HIVEP3: variants seen among roughly 807,000 people sequenced by gnomAD.
HIVEP3 encodes the protein HIVEP zinc finger 3.
HIVEP3 carries 49 observed loss-of-function variants against 152.8 expected under a neutral mutation model. The ratio of observed to expected loss-of-function variants is 0.32; its 90% CI spans 0.26 to 0.41. The LOEUF is 0.41. Among genes scored for constraint, HIVEP3 ranks in the 10% least tolerant of loss-of-function variants. The probability of loss-of-function intolerance (pLI) is 1.00; values close to 1 mark genes in which losing one functional copy is unlikely to be tolerated. For missense variants in HIVEP3, 2,790 were observed against 3,103.3 expected (o/e 0.90, Z 2.40); for synonymous variants, 1,269 against 1,289.0 (o/e 0.98, Z 0.33).
intron 1 of HIVEP3, among the ~76,000 whole-genome samples, chr1:41,797,742 A>G (rs1054644923): frequency 1.3e-5 from 2 of 152,190 alleles, no homozygotes; most frequent in African/African-American, 4.8e-5. Flanking sequence ...TAATTCCAGC[A>G]CTTTGGGAGG....
intron 1 of HIVEP3, among the ~76,000 whole-genome samples, chr1:41,905,527 G>A (rs1644696230): frequency 1.3e-5 from 2 of 152,204 alleles, no homozygotes; most frequent in African/African-American, 2.4e-5. Flanking sequence ...CAGCATGTCT[G>A]TCTATGTATC....
intron 1 of HIVEP3, among the ~76,000 whole-genome samples, chr1:42,003,441 TG>T (rs1333134038): frequency 6.7e-6 from 1 of 148,500 alleles, no homozygotes; most frequent in African/African-American, 2.6e-5. Flanking sequence ...AATGAGCCCC[TG>T]TTGTTTCTGA....
intron 5 of HIVEP3, among the ~76,000 whole-genome samples, chr1:41,526,293 T>TCA (rs1157445312): frequency 1.0e-5 from 1 of 98,612 alleles, no homozygotes; most frequent in African/African-American, 4.0e-5. Flanking sequence ...ACGCTCACCC[T>TCA]CACACACACT....
rs78879050 is a variant in HIVEP3 at position 41,717,267 on chromosome 1, C to G, written c.-800-16272G>C. On this transcript the variant is annotated intron_variant, in intron 1 of 8. Coordinates refer to ENST00000372583, the MANE Select transcript of HIVEP3 (RefSeq NM_024503.5). ...ACGCTCTTTCCCTTATTCCCTCCAACCAATATTTGTTGAATACCTACTTTG... is the reference window on the plus strand; with the variant it reads ...ACGCTCTTTCCCTTATTCCCTCCAAGCAATATTTGTTGAATACCTACTTTG... Among the ~76,000 whole-genome samples the G allele has an allele frequency of 9.3e-3, 1,424 of 152,344 alleles. 20 individuals are homozygous for G. The highest frequency in any genetic ancestry group is 0.032 in the African/African-American group (1,342 of 41,572).
At position 41,751,723 on chromosome 1, in the gene HIVEP3, C is replaced by A. The variant is rs145559230; in HGVS notation, c.-800-50728G>T. ...GTGGTGGGCAAGGGACCATGAAAAG[C>A]CCAACAGAAGTCATGGCGAGGCAGG... is the stretch of plus-strand genomic sequence containing the variant. On this transcript the variant is annotated intron_variant, in intron 1 of 8. Coordinates refer to ENST00000372583, the MANE Select transcript of HIVEP3 (RefSeq NM_024503.5). 5.4e-3 allele frequency among the ~76,000 whole-genome samples: 826 copies of A among 152,290 alleles called. 4 individuals are homozygous for A. Among genetic ancestry groups the A allele is most frequent in the African/African-American group, 0.017 (710 of 41,548 alleles).
At chr1:41,523,192 AG>A (rs1642808994) in intron 6 of HIVEP3, among the ~76,000 whole-genome samples, 1 of 152,196 alleles carries the variant, frequency 6.6e-6, no homozygotes, top group African/African-American at 2.4e-5. Flanking sequence ...AGAAGGCCAG[AG>A]GAAGTGCGGT....
chr1:41,597,703 C>A (rs1358125768), intron 3 of HIVEP3, among the ~76,000 whole-genome samples: 1 of 152,210 alleles, frequency 6.6e-6, no homozygotes, highest in Non-Finnish European at 1.5e-5. Flanking sequence ...GAATCACAGT[C>A]CTGACACTGC....
intron 1 of HIVEP3, among the ~76,000 whole-genome samples, chr1:41,713,173 C>T (rs990392321): frequency 6.6e-6 from 1 of 152,202 alleles, no homozygotes; most frequent in African/African-American, 2.4e-5. Flanking sequence ...GGACACCTTC[C>T]CCTCTTGCAG....
intron 1 of HIVEP3, among the ~76,000 whole-genome samples, chr1:41,948,156 G>A (rs1030924739): frequency 1.2e-4 from 18 of 152,284 alleles, no homozygotes; most frequent in East Asian, 3.9e-4. Flanking sequence ...AAGTTCCTTC[G>A]TAGAAAAAGG....
intron 1 of HIVEP3, among the ~76,000 whole-genome samples, chr1:41,779,817 A>T (rs941842178): frequency 6.6e-6 from 1 of 152,154 alleles, no homozygotes; most frequent in Non-Finnish European, 1.5e-5. Context: ...CCTTACCAGG[A>T]AGGGTGACCA....
At chr1:41,891,153 G>T (rs1282084886) in intron 1 of HIVEP3, among the ~76,000 whole-genome samples, 1 of 152,162 alleles carries the variant, frequency 6.6e-6, no homozygotes, top group Non-Finnish European at 1.5e-5. Context: ...CTCGTCTGGT[G>T]TAAGATTTAT....
intron 1 of HIVEP3, among the ~76,000 whole-genome samples, chr1:41,839,021 G>A (rs1179092104): frequency 1.2e-4 from 18 of 152,142 alleles, no homozygotes; most frequent in Non-Finnish European, 7.4e-5. Flanking sequence ...GGGGTTGGGG[G>A]TCCAGGAATA....
intron 1 of HIVEP3, among the ~76,000 whole-genome samples, chr1:41,751,406 C>T (rs536396848): frequency 3.7e-5 from 5 of 135,268 alleles, no homozygotes; most frequent in Middle Eastern, 4.8e-3. Context: ...CAGATGCTTA[C>T]GCCCCCTCAC....
rs149794808 is a variant in HIVEP3 at position 41,569,416 on chromosome 1, C to T, written c.5207+6128G>A. ...CTTACTGACTTTATTTTTTACACAC[C>T]TATCCAAAAGGCTCCAACTTATTAC... On this transcript the variant is annotated intron_variant, in intron 5 of 8. Coordinates refer to ENST00000372583, the MANE Select transcript of HIVEP3 (RefSeq NM_024503.5). Among the ~76,000 whole-genome samples, 1,446 of 152,226 alleles carry T rather than the reference C, an allele frequency of 9.5e-3. 22 individuals carry two copies. The highest frequency in any genetic ancestry group is 0.033 in the African/African-American group (1,364 of 41,530).
intron 2 of HIVEP3, among the ~76,000 whole-genome samples, chr1:41,692,359 C>T (rs1436439189): frequency 1.3e-5 from 2 of 152,222 alleles, no homozygotes; most frequent in Non-Finnish European, 2.9e-5. Context: ...TGTTCCCAAG[C>T]ACAGGGGAGC....
At chr1:41,774,962 A>AT (rs1384133859) in intron 1 of HIVEP3, among the ~76,000 whole-genome samples, 2 of 151,630 alleles carry the variant, frequency 1.3e-5, no homozygotes, top group African/African-American at 4.9e-5. Flanking sequence ...CAACTGGCTA[A>AT]TTTTTTCTTT....
intron 1 of HIVEP3, among the ~76,000 whole-genome samples, chr1:41,850,675 G>A (rs115287066): frequency 1.3e-5 from 2 of 152,288 alleles, no homozygotes; most frequent in African/African-American, 4.8e-5. Context: ...TCTTAGTAAG[G>A]CTATGATGGA....
chr1:41,700,855 T>C (rs1487613349), intron 2 of HIVEP3, 61 bp downstream of exon 2: 1 of 748,400 alleles, frequency 1.3e-6, no homozygotes. Flanking sequence ...AAACACAGCC[T>C]AATGGCCTTT....
intron 1 of HIVEP3, among the ~76,000 whole-genome samples, chr1:41,828,742 C>T (rs1397801813): frequency 6.6e-6 from 1 of 152,162 alleles, no homozygotes; most frequent in South Asian, 2.1e-4. Flanking sequence ...GTGAGAAGTG[C>T]CAACTCAGGC....
Sources: allele counts gnomAD v4.1 joint callset (sites outside exome capture counted in the v4.1 genomes callset), GRCh38; gene constraint gnomAD v4.1.1; transcripts MANE v1.5; gene names NCBI Gene and HGNC (gene_info 2026-07-23, HGNC 2026-07-21).